Variants in ABLIM2 observed in about 807,000 individuals in gnomAD.
ABLIM2 encodes the protein actin binding LIM protein family member 2.
A neutral mutation model predicts 97.7 loss-of-function variants in ABLIM2; 53 were observed. The ratio of observed to expected loss-of-function variants is 0.54; its 90% CI spans 0.44 to 0.68. The LOEUF (loss-of-function observed/expected upper bound fraction) is 0.68, where lower values mean the gene tolerates loss of function less well. Ranked by LOEUF, ABLIM2 falls within the 30% of genes least tolerant of loss-of-function variation. The pLI is 0.00. For missense variants in ABLIM2, 835 were observed against 867.2 expected, an observed-to-expected ratio of 0.96 and a Z score of 0.47; for synonymous variants, 361 against 345.8, an observed-to-expected ratio of 1.04 and a Z score of -0.49.
chr4:8,087,575 G>C lies in ABLIM2; in HGVS notation c.454+594C>G, dbSNP rs368894183. Among the ~76,000 whole-genome samples the C allele has an allele frequency of 2.5e-4, 38 of 152,312 alleles. No homozygotes were observed. The South Asian group carries it at 6.4e-3, about 26-fold the overall frequency. On this transcript the variant is annotated intron_variant, in intron 4 of 20. Coordinates refer to ENST00000447017, the MANE Select transcript of ABLIM2 (RefSeq NM_001130083.2). This position sits in a 1 kb window ranked among gnomAD's most constrained non-coding sequence, Gnocchi z 4.6. ...TCCCGGGTGGCCTGGAATTAACAGA[G>C]GGGAGCTGAGGGGAGTGAATGCCAG...
intron 20 of ABLIM2, among the ~76,000 whole-genome samples, chr4:7,971,947 A>G (rs1698742443): frequency 6.6e-6 from 1 of 152,076 alleles, no homozygotes; most frequent in Non-Finnish European, 1.5e-5. Context: ...TTTTCTCCCA[A>G]GGCCTGGGCT....
intron 1 of ABLIM2, among the ~76,000 whole-genome samples, chr4:8,129,095 G>T (rs1421431697): frequency 6.6e-6 from 1 of 152,044 alleles, no homozygotes; most frequent in Admixed American, 6.5e-5. Context: ...ACCTGAGGCT[G>T]GGGGCAGAGG....
At position 8,089,435 on chromosome 4, in the gene ABLIM2, C is replaced by T. The variant is rs1015471963; in HGVS notation, c.339-1151G>A. 2.0e-5 allele frequency among the ~76,000 whole-genome samples: 3 copies of T among 152,232 alleles called. No homozygotes were observed. In the East Asian group the frequency reaches 5.8e-4, roughly 29 times the overall value. ...CGTGGAAGTGTCAGACCACGGGTGC[C>T]CCTTAAATCCCCTGTGTGGCCAGGC... On this transcript the variant is annotated intron_variant, in intron 3 of 20. Transcript: ENST00000447017.
In ABLIM2 at chr4:7,995,078, CTCA is replaced by C. The variant is rs1202454865; in HGVS notation, c.1619-2154_1619-2152del. On this transcript the variant is annotated intron_variant, in intron 16 of 20. Transcript: ENST00000447017. ...CAGCCAAAAAACACATGAAGAAATGCTCATCATCACTGGCCATCAGAGAAATGC... is the reference window on the plus strand; with the variant it reads ...CAGCCAAAAAACACATGAAGAAATGCTCATCACTGGCCATCAGAGAAATGC... Among the ~76,000 whole-genome samples the C allele has an allele frequency of 4.9e-5, 3 of 60,892 alleles. 1 individual carries two copies. The Admixed American group carries it at 5.7e-4, about 11-fold the overall frequency. The allele number at this position is 60,892 out of a possible 152,430, so 39.9% of individuals were successfully genotyped here.
chr4:7,999,432 C>T lies in ABLIM2; in HGVS notation c.1619-6505G>A, dbSNP rs1281190689. ...GACTCTCACCAGCCTACACACTAAACATGAACCCATTTTACAGATGAGGAA... is the reference window on the plus strand; with the variant it reads ...GACTCTCACCAGCCTACACACTAAATATGAACCCATTTTACAGATGAGGAA... On this transcript the variant is annotated intron_variant, in intron 16 of 20. Transcript: ENST00000447017. This position sits in a 1 kb window ranked among gnomAD's most constrained non-coding sequence, Gnocchi z 4.4. 1.3e-5 allele frequency among the ~76,000 whole-genome samples: 2 copies of T among 152,202 alleles called. No individual in the cohort carries two copies. The highest frequency in any genetic ancestry group is 2.9e-5 in the Non-Finnish European group (2 of 68,034).
chr4:8,029,536 A>T (rs1489370897), intron 11 of ABLIM2, 120 bp downstream of exon 11: 1 of 1,239,946 alleles, frequency 8.1e-7, no homozygotes, highest in East Asian at 2.8e-5. Flanking sequence ...CATTTCCATC[A>T]TATTTCCAGT....
intron 12 of ABLIM2, among the ~76,000 whole-genome samples, chr4:8,024,833 G>T (rs57679778): frequency 6.6e-6 from 1 of 152,204 alleles, no homozygotes; most frequent in Non-Finnish European, 1.5e-5. Context: ...CCAAGGTTAC[G>T]GACAGCCAGG....
rs1414780515 is a variant in ABLIM2, at chr4:8,072,323, G to C, written c.675+5305C>G. ...GCCTCCCAATCCATCAAGGGGAGGG[G>C]GGGCTGCCTGATGAAACCCACTTTG... On this transcript the variant is annotated intron_variant, in intron 6 of 20. Coordinates refer to ENST00000447017, the MANE Select transcript of ABLIM2 (RefSeq NM_001130083.2). The surrounding 1 kb of genome is among the most constrained non-coding windows in gnomAD (Gnocchi z 5.8). 2.0e-5 allele frequency among the ~76,000 whole-genome samples: 3 copies of C among 152,200 alleles called. No homozygotes were observed. In the East Asian group the frequency reaches 5.8e-4, roughly 29 times the overall value.
chr4:8,104,812 C>G (rs112285761), intron 2 of ABLIM2, among the ~76,000 whole-genome samples: 83 of 152,342 alleles, frequency 5.4e-4, no homozygotes, highest in African/African-American at 1.8e-3. Context: ...CAGCAGAAGA[C>G]TCTAGACCAT....
At chr4:8,103,606 T>C (rs1835742236) in intron 2 of ABLIM2, among the ~76,000 whole-genome samples, 4 of 152,150 alleles carry the variant, frequency 2.6e-5, no homozygotes, top group Admixed American at 2.6e-4. Flanking sequence ...TCACTAATCA[T>C]CTTGGGTGAT....
At position 8,044,114 on chromosome 4, in the gene ABLIM2, G is replaced by A. The variant is rs1405441577; in HGVS notation, c.900+1050C>T. Among the ~76,000 whole-genome samples the A allele has an allele frequency of 6.6e-6, 1 of 152,206 alleles. No individual in the cohort carries two copies. The highest frequency in any genetic ancestry group is 1.5e-5 in the Non-Finnish European group (1 of 68,024). On this transcript the variant is annotated intron_variant, in intron 9 of 20. Transcript: ENST00000447017. This position sits in a 1 kb window ranked among gnomAD's most constrained non-coding sequence, Gnocchi z 4.4. The stretch of plus-strand genomic sequence containing the variant: ...CCAACCACTATGAGAGAGGAGGGTC[G>A]AAAAGAAGCACAGCAGACAGCAGAT...
chr4:8,121,766 C>T (rs554021841), intron 1 of ABLIM2, among the ~76,000 whole-genome samples: 102 of 152,208 alleles, frequency 6.7e-4, no homozygotes, highest in Non-Finnish European at 1.2e-3. Context: ...ACAGGAAATG[C>T]GCTGAGTGAC....
At chr4:8,016,837 C>T (rs1467025533) in intron 14 of ABLIM2, among the ~76,000 whole-genome samples, 3 of 152,184 alleles carry the variant, frequency 2.0e-5, no homozygotes, top group South Asian at 2.1e-4. Flanking sequence ...CCTCTGCCGC[C>T]GATGAACTCT....
At chr4:8,093,939 T>C (rs956637281) in intron 3 of ABLIM2, among the ~76,000 whole-genome samples, 4 of 152,234 alleles carry the variant, frequency 2.6e-5, no homozygotes, top group African/African-American at 4.8e-5. Flanking sequence ...TAAACACTTG[T>C]TGGTCTCCCT....
At chr4:7,974,424 C>T (rs1385742290) in intron 20 of ABLIM2, among the ~76,000 whole-genome samples, 6 of 148,296 alleles carry the variant, frequency 4.0e-5, no homozygotes, top group African/African-American at 7.5e-5. Flanking sequence ...CCAATCCATC[C>T]ACCCACCCTT....
chr4:8,106,959 C>T (rs879327267), intron 1 of ABLIM2, among the ~76,000 whole-genome samples: 8 of 152,242 alleles, frequency 5.3e-5, no homozygotes, highest in Non-Finnish European at 1.0e-4. Flanking sequence ...GAGGCCATCA[C>T]CTCCCCACCT....
In ABLIM2 at chr4:8,015,411, T is replaced by G. The variant is rs2150694921; in HGVS notation, c.1423+4207A>C. Among the ~76,000 whole-genome samples the G allele has an allele frequency of 6.6e-6, 1 of 152,092 alleles. No homozygotes were observed. The highest frequency in any genetic ancestry group is 6.5e-5 in the Admixed American group (1 of 15,294). On this transcript the variant is annotated intron_variant, in intron 14 of 20. Coordinates refer to ENST00000447017, the MANE Select transcript of ABLIM2 (RefSeq NM_001130083.2). This position sits in a 1 kb window ranked among gnomAD's most constrained non-coding sequence, Gnocchi z 4.6. ...GGGAGCCTCAGTGGGGGCTTCCCAGTGCAATCCGCACTCTGGACACAGCCT... is the reference window on the plus strand; with the variant it reads ...GGGAGCCTCAGTGGGGGCTTCCCAGGGCAATCCGCACTCTGGACACAGCCT...
intron 20 of ABLIM2, among the ~76,000 whole-genome samples, chr4:7,982,218 G>A (rs1413680616): frequency 6.6e-6 from 1 of 151,198 alleles, no homozygotes; most frequent in Non-Finnish European, 1.5e-5. Context: ...AGCTGCAGAG[G>A]GAGCCACTGC....
intron 3 of ABLIM2, among the ~76,000 whole-genome samples, chr4:8,094,455 A>T (rs188785672): frequency 2.1e-4 from 32 of 152,244 alleles, no homozygotes; most frequent in Admixed American, 2.0e-3. Context: ...TCACAACTCT[A>T]AGGGGGTCTG....
Sources: allele counts gnomAD v4.1 joint callset (sites outside exome capture counted in the v4.1 genomes callset), GRCh38; gene constraint gnomAD v4.1.1; non-coding constraint Gnocchi (gnomAD v3.1); transcripts MANE v1.5; gene names NCBI Gene and HGNC (gene_info 2026-07-23, HGNC 2026-07-21).